NOS1: variants seen among roughly 807,000 people sequenced by gnomAD.
NOS1 encodes the protein nitric oxide synthase 1, also known as NOS type I.
Under a neutral mutation model 164.5 loss-of-function variants are expected in NOS1, and 51 were observed. The ratio of observed to expected loss-of-function variants is 0.31; its 90% CI spans 0.25 to 0.39. The LOEUF (loss-of-function observed/expected upper bound fraction) is 0.39, where lower values mean the gene tolerates loss of function less well. Among genes scored for constraint, NOS1 ranks in the 10% least tolerant of loss-of-function variants. The pLI, the probability that NOS1 is intolerant of heterozygous loss-of-function variation, is 1.00. For synonymous variants in NOS1, 719 were observed against 745.8 expected (o/e 0.96, Z 0.59); for missense variants, 1,362 against 1,885.6 (o/e 0.72, Z 5.14).
intron 20 of NOS1, among the ~76,000 whole-genome samples, chr12:117,236,207 AT>A (rs1254997568): frequency 1.3e-5 from 2 of 152,036 alleles, no homozygotes; most frequent in East Asian, 3.9e-4. Context: ...CTTTTTCTTC[AT>A]TGCCAATTAA....
intron 9 of NOS1, among the ~76,000 whole-genome samples, chr12:117,276,509 T>C (rs1402790348): frequency 1.3e-5 from 2 of 152,160 alleles, no homozygotes; most frequent in African/African-American, 4.8e-5. Context: ...CCTTGAACTC[T>C]TGACCTCAGG....
Position 117,211,165 on chromosome 12 carries a change from G to A in NOS1, c.*4144C>T. 1 of 780,918 alleles carries A rather than the reference G, an allele frequency of 1.3e-6. No homozygotes were observed. Among genetic ancestry groups the A allele is most frequent in the Non-Finnish European group, 1.6e-6 (1 of 643,466 alleles). The allele number at this position is 780,918 out of a possible 1,614,324, so 48.4% of individuals were successfully genotyped here. ...GTAGAGTCAGGGTTTCTACTAACTGGCTGACTGGTCTCCAACTCCTGACCT... is the reference window on the plus strand; with the variant it reads ...GTAGAGTCAGGGTTTCTACTAACTGACTGACTGGTCTCCAACTCCTGACCT... On this transcript the variant is annotated 3_prime_UTR_variant, in exon 29 of 29. Transcript: ENST00000317775.
Position 117,213,706 on chromosome 12 carries a change from T to C in NOS1, c.*1603A>G, listed in dbSNP as rs1310760336. On this transcript the variant is annotated 3_prime_UTR_variant, in exon 29 of 29. Coordinates refer to ENST00000317775, the MANE Select transcript of NOS1 (RefSeq NM_000620.5). ...ATAAAAGAAATGTGGTTTTTCTGTA[T>C]AGCAAGACACAACAAACAGGGTAGA... is the stretch of plus-strand genomic sequence containing the variant. 2 of 985,318 alleles carry C rather than the reference T, an allele frequency of 2.0e-6. No homozygotes were observed. Among genetic ancestry groups the C allele is most frequent in the Admixed American group, 6.1e-5 (1 of 16,264 alleles). The allele number at this position is 985,318 out of a possible 1,614,324, so 61.0% of individuals were successfully genotyped here.
rs1423144724 is a variant in NOS1 at position 117,209,566 on chromosome 12, G to A, written c.*5743C>T. 33 of 985,360 alleles carry A rather than the reference G, an allele frequency of 3.3e-5. No individual in the cohort carries two copies. The highest frequency in any genetic ancestry group is 4.7e-5 in the South Asian group (1 of 21,286). 61.0% of individuals were successfully genotyped at this position (985,360 alleles called of 1,614,324 possible). On this transcript the variant is annotated 3_prime_UTR_variant, in exon 29 of 29. Coordinates refer to ENST00000317775, the MANE Select transcript of NOS1 (RefSeq NM_000620.5). Reference sequence around the variant, plus strand: ...TAACGGACTGTGTTTTGGGCCAGACGGGCATAGCCCCGCTTGACCAGAACT... The same window carrying A: ...TAACGGACTGTGTTTTGGGCCAGACAGGCATAGCCCCGCTTGACCAGAACT...
intron 3 of NOS1, among the ~76,000 whole-genome samples, chr12:117,291,025 C>A (rs919626590): frequency 6.6e-6 from 1 of 152,052 alleles, no homozygotes; most frequent in African/African-American, 2.4e-5. Flanking sequence ...TCAGCCTGGC[C>A]AACTTGGTGA....
chr12:117,297,250 G>A (rs191965653), intron 3 of NOS1, among the ~76,000 whole-genome samples: 26 of 152,306 alleles, frequency 1.7e-4, no homozygotes, highest in African/African-American at 6.0e-4. Flanking sequence ...AGTAGCCATG[G>A]GGTTGGAATG....
chr12:117,222,298 CA>C lies in NOS1; in HGVS notation c.3975+416del, dbSNP rs9658522. Among the ~76,000 whole-genome samples the C allele has an allele frequency of 8.7e-3, 1,328 of 152,288 alleles. 14 individuals carry two copies. The highest frequency in any genetic ancestry group is 0.017 in the Middle Eastern group (5 of 294). On this transcript the variant is annotated intron_variant, in intron 26 of 28. Transcript: ENST00000317775. The stretch of plus-strand genomic sequence containing the variant: ...TGAGATGGAGTCTCACTTTGTCACC[CA>C]GGCTGGAGGGCAGTGGCGCGATCTC...
At chr12:117,326,196 G>A (rs945813194) in intron 2 of NOS1, among the ~76,000 whole-genome samples, 1 of 152,002 alleles carries the variant, frequency 6.6e-6, no homozygotes, top group African/African-American at 2.4e-5. Context: ...GACCAGCCTG[G>A]CCAACATGGC....
chr12:117,346,124 A>G (rs1390539639), intron 1 of NOS1, among the ~76,000 whole-genome samples: 3 of 152,248 alleles, frequency 2.0e-5, no homozygotes, highest in Admixed American at 2.0e-4. Flanking sequence ...AGGTGATGGC[A>G]TGGCCCATTA....
intron 13 of NOS1, among the ~76,000 whole-genome samples, chr12:117,261,437 G>A (rs1871902860): frequency 6.6e-6 from 1 of 152,082 alleles, no homozygotes. Context: ...GAATGCAGCT[G>A]TCATAGGGCT....
chr12:117,250,106 TAGG>T (rs1870971971), intron 17 of NOS1, among the ~76,000 whole-genome samples: 1 of 151,786 alleles, frequency 6.6e-6, no homozygotes, highest in Non-Finnish European at 1.5e-5. Flanking sequence ...AGGAAGAAGG[TAGG>T]AGAAGTTGGA....
At chr12:117,305,988 C>T (rs766026819) in intron 3 of NOS1, among the ~76,000 whole-genome samples, 1 of 152,008 alleles carries the variant, frequency 6.6e-6, no homozygotes, top group African/African-American at 2.4e-5. Context: ...GACGGAGTTT[C>T]ACCATGTTGG....
chr12:117,210,120 A>T lies in NOS1; in HGVS notation c.*5189T>A. ...CCCAAGTAGCTGGGACCACAGGAGC[A>T]TGCCATCATGCCCAGCTAATTTTTT... On this transcript the variant is annotated 3_prime_UTR_variant, in exon 29 of 29. Coordinates refer to ENST00000317775, the MANE Select transcript of NOS1 (RefSeq NM_000620.5). 1.9e-6 allele frequency: 1 copy of T among 521,296 alleles called. No individual in the cohort carries two copies. The highest frequency in any genetic ancestry group is 2.5e-6 in the Non-Finnish European group (1 of 407,746). 32.3% of individuals were successfully genotyped at this position (521,296 alleles called of 1,614,324 possible).
chr12:117,275,721 A>G (rs1426958302), intron 9 of NOS1, among the ~76,000 whole-genome samples: 1 of 152,230 alleles, frequency 6.6e-6, no homozygotes. Flanking sequence ...ATCACTATAC[A>G]TTATATGTAT....
chr12:117,236,653 C>T (rs780708515), intron 20 of NOS1, among the ~76,000 whole-genome samples: 4 of 152,134 alleles, frequency 2.6e-5, no homozygotes, highest in African/African-American at 7.2e-5. Context: ...TCGCAGAAGC[C>T]GGGGCCAGCA....
Position 117,212,836 on chromosome 12 carries a change from T to C in NOS1, c.*2473A>G. 1 of 985,396 alleles carries C rather than the reference T, an allele frequency of 1.0e-6. No individual in the cohort carries two copies. The highest frequency in any genetic ancestry group is 1.2e-6 in the Non-Finnish European group (1 of 829,936). The allele number at this position is 985,396 out of a possible 1,614,324, so 61.0% of individuals were successfully genotyped here. A position where few individuals can be genotyped will look rare whatever the true frequency, so the allele number is the denominator to read the frequency against. ...GGACTCCACTCTGGTCCTTGAGAGG[T>C]TACTCAACAGAGAGAGAGGCTTTTG... is the stretch of plus-strand genomic sequence containing the variant. On this transcript the variant is annotated 3_prime_UTR_variant, in exon 29 of 29. Coordinates refer to ENST00000317775, the MANE Select transcript of NOS1 (RefSeq NM_000620.5).
At chr12:117,261,304 A>G (rs1379557993) in intron 13 of NOS1, among the ~76,000 whole-genome samples, 1 of 151,972 alleles carries the variant, frequency 6.6e-6, no homozygotes, top group Non-Finnish European at 1.5e-5. Context: ...TTTGCCAAGC[A>G]TTGCCTCAAA....
At chr12:117,350,188 A>G (rs1438287967) in intron 1 of NOS1, among the ~76,000 whole-genome samples, 2 of 152,158 alleles carry the variant, frequency 1.3e-5, no homozygotes, top group Admixed American at 6.5e-5. Context: ...CTGAGATGCT[A>G]TCATTAGAAA....
chr12:117,278,939 TTAA>T (rs1465249405), intron 8 of NOS1, among the ~76,000 whole-genome samples: 40 of 150,242 alleles, frequency 2.7e-4, no homozygotes, highest in African/African-American at 9.2e-4. Context: ...CATTAATTTA[TTAA>T]TAATAAATTA....
Sources: gnomAD v4.1 joint callset for allele counts (sites outside exome capture counted in the v4.1 genomes callset) on GRCh38, gnomAD v4.1.1 for gene constraint, MANE v1.5 for transcripts, NCBI Gene and HGNC (gene_info 2026-07-23, HGNC 2026-07-21) for gene names.